The following TMEFF2 variants were observed in gnomAD, a reference collection of about 807,000 sequenced individuals.
TMEFF2 encodes tomoregulin-2.
Under a neutral mutation model 53.8 loss-of-function variants are expected in TMEFF2, and 28 were observed. The observed-to-expected ratio is 0.52, with a 90% CI of 0.39 to 0.71. TMEFF2 has a LOEUF of 0.71. Ranked by LOEUF, TMEFF2 falls within the 30% of genes least tolerant of loss-of-function variation. The pLI is 0.00. For synonymous variants in TMEFF2, 162 were observed against 166.3 expected (o/e 0.97, Z 0.20); for missense variants, 353 against 455.2 (o/e 0.78, Z 2.04).
At chr2:192,096,443 CT>C (rs1232546317) in intron 4 of TMEFF2, among the ~76,000 whole-genome samples, 1 of 151,956 alleles carries the variant, frequency 6.6e-6, no homozygotes, top group Non-Finnish European at 1.5e-5. Flanking sequence ...AGAGATATTC[CT>C]TGCATGACTG....
At chr2:191,963,634 C>T (rs1692333015) in intron 7 of TMEFF2, among the ~76,000 whole-genome samples, 1 of 152,218 alleles carries the variant, frequency 6.6e-6, no homozygotes, top group Non-Finnish European at 1.5e-5. Context: ...CTGAATAACA[C>T]AGATAGAACA....
intron 4 of TMEFF2, among the ~76,000 whole-genome samples, chr2:192,134,230 C>T (rs1689938736): frequency 6.6e-6 from 1 of 152,166 alleles, no homozygotes; most frequent in South Asian, 2.1e-4. Context: ...TCGTTAAGTC[C>T]CACAATTACC....
intron 5 of TMEFF2, among the ~76,000 whole-genome samples, chr2:192,006,483 A>G (rs899876258): frequency 1.3e-5 from 2 of 152,198 alleles, no homozygotes; most frequent in Non-Finnish European, 2.9e-5. Flanking sequence ...ATAAAGACAG[A>G]TGGAGAATGT....
chr2:192,193,798 A>AGAGAGG lies in TMEFF2; in HGVS notation c.172+554_172+555insCCTCTC, dbSNP rs1553534711. Among the ~76,000 whole-genome samples, 341 of 139,912 alleles carry AGAGAGG rather than the reference A, an allele frequency of 2.4e-3. 5 individuals carry two copies. The highest frequency in any genetic ancestry group is 8.9e-3 in the African/African-American group (319 of 35,752). The allele number at this position is 139,912 out of a possible 152,430, so 91.8% of individuals were successfully genotyped here. ...GAGAGAGAGAGAGAGAGAGAGAGAG[A>AGAGAGG]GAGAGAGAGAAATTCTATTGAAACC... On this transcript the variant is annotated intron_variant, in intron 1 of 9. Coordinates refer to ENST00000272771, the MANE Select transcript of TMEFF2 (RefSeq NM_016192.4).
At chr2:192,064,182 G>C (rs1688115135) in intron 4 of TMEFF2, among the ~76,000 whole-genome samples, 1 of 151,740 alleles carries the variant, frequency 6.6e-6, no homozygotes, top group Admixed American at 6.6e-5. Context: ...TTTTGGTGGG[G>C]AAGTAGTGTT....
intron 4 of TMEFF2, among the ~76,000 whole-genome samples, chr2:192,172,323 A>G (rs540682313): frequency 6.6e-6 from 1 of 151,944 alleles, no homozygotes; most frequent in East Asian, 1.9e-4. Context: ...CACAAATCTC[A>G]ACTTTAGAGT....
chr2:191,977,707 CTTA>C (rs1393318114), intron 7 of TMEFF2, among the ~76,000 whole-genome samples: 4 of 152,110 alleles, frequency 2.6e-5, no homozygotes, highest in Non-Finnish European at 5.9e-5. Context: ...ATTTGAATTA[CTTA>C]TTAATAACAA....
At chr2:192,170,962 C>T (rs1690897526) in intron 4 of TMEFF2, among the ~76,000 whole-genome samples, 1 of 152,012 alleles carries the variant, frequency 6.6e-6, no homozygotes, top group African/African-American at 2.4e-5. Context: ...GTTAAGTACA[C>T]ATTGAAAATC....
intron 4 of TMEFF2, among the ~76,000 whole-genome samples, chr2:192,075,049 T>A (rs2356756): frequency 2.0e-5 from 3 of 150,706 alleles, no homozygotes; most frequent in Admixed American, 6.6e-5. Flanking sequence ...AACAAAGCTG[T>A]CTTCTAATTT....
At chr2:192,008,856 A>G (rs562957427) in intron 5 of TMEFF2, among the ~76,000 whole-genome samples, 1 of 152,272 alleles carries the variant, frequency 6.6e-6, no homozygotes, top group South Asian at 2.1e-4. Flanking sequence ...TTATGCTTTC[A>G]CTTGACAAAA....
chr2:192,151,845 T>C (rs1184594920), intron 4 of TMEFF2, among the ~76,000 whole-genome samples: 2 of 151,816 alleles, frequency 1.3e-5, no homozygotes, highest in Admixed American at 1.3e-4. Context: ...TGGGTTGTGA[T>C]TGCATTACTA....
At chr2:192,068,707 T>C (rs1211971980) in intron 4 of TMEFF2, among the ~76,000 whole-genome samples, 5 of 151,880 alleles carry the variant, frequency 3.3e-5, no homozygotes, top group Admixed American at 2.0e-4. Flanking sequence ...ACTATGGGCA[T>C]TAGTTTTCAC....
At chr2:192,102,623 G>GTTTT (rs1397249121) in intron 4 of TMEFF2, among the ~76,000 whole-genome samples, 1 of 65,360 alleles carries the variant, frequency 1.5e-5, no homozygotes, top group African/African-American at 5.7e-5. Flanking sequence ...TTCTTTTCTT[G>GTTTT]TTCTTTTTTT....
intron 5 of TMEFF2, chr2:192,044,087 A>C (rs1339259691): frequency 6.6e-6 from 1 of 152,162 alleles, no homozygotes; most frequent in Non-Finnish European, 1.5e-5. Flanking sequence ...AATAAGAACA[A>C]CCAGAATCAG....
At chr2:191,970,592 C>A (rs1692607536) in intron 7 of TMEFF2, among the ~76,000 whole-genome samples, 1 of 152,110 alleles carries the variant, frequency 6.6e-6, no homozygotes, top group Non-Finnish European at 1.5e-5. Flanking sequence ...TGTGGCCTTT[C>A]TAATGCCTGA....
At chr2:192,016,673 C>T (rs1686751962) in intron 5 of TMEFF2, among the ~76,000 whole-genome samples, 1 of 152,114 alleles carries the variant, frequency 6.6e-6, no homozygotes, top group South Asian at 2.1e-4. Flanking sequence ...AATCAGAGTC[C>T]AAAAGGTGCT....
chr2:192,097,152 T>A (rs748668969), intron 4 of TMEFF2, among the ~76,000 whole-genome samples: 4 of 152,230 alleles, frequency 2.6e-5, no homozygotes, highest in South Asian at 2.1e-4. Flanking sequence ...TTTATTGAGA[T>A]GATTTAACAA....
intron 7 of TMEFF2, among the ~76,000 whole-genome samples, chr2:191,968,990 C>T (rs772583772): frequency 1.3e-5 from 2 of 152,128 alleles, no homozygotes; most frequent in Non-Finnish European, 2.9e-5. Context: ...TGCACTAACA[C>T]ACCTGTTACC....
chr2:192,118,502 C>T (rs1689470972), intron 4 of TMEFF2, among the ~76,000 whole-genome samples: 1 of 152,062 alleles, frequency 6.6e-6, no homozygotes, highest in African/African-American at 2.4e-5. Context: ...TCTGAAGTGC[C>T]CTCCTTGTGT....
Sources: gnomAD v4.1 joint callset for allele counts (sites outside exome capture counted in the v4.1 genomes callset) on GRCh38, gnomAD v4.1.1 for gene constraint, MANE v1.5 for transcripts, NCBI Gene and HGNC (gene_info 2026-07-23, HGNC 2026-07-21) for gene names.